Variants in DPP10 observed in about 807,000 individuals in gnomAD.
DPP10 encodes the protein dipeptidyl peptidase like 10.
A neutral mutation model predicts 120.9 loss-of-function variants in DPP10; 33 were observed. That is an observed-to-expected ratio of 0.27 (90% CI 0.21 to 0.37). The LOEUF is 0.37. Among genes scored for constraint, DPP10 ranks in the 10% least tolerant of loss-of-function variants. The probability of loss-of-function intolerance (pLI) is 1.00; values close to 1 mark genes in which losing one functional copy is unlikely to be tolerated. For synonymous variants in DPP10, 337 were observed against 326.1 expected, an observed-to-expected ratio of 1.03 and a Z score of -0.36; for missense variants, 816 against 942.8, an observed-to-expected ratio of 0.87 and a Z score of 1.76.
At chr2:114,506,715 G>A (rs1331967361) in intron 1 of DPP10, among the ~76,000 whole-genome samples, 4 of 152,124 alleles carry the variant, frequency 2.6e-5, no homozygotes, top group African/African-American at 9.7e-5. Context: ...CACAAAAGGT[G>A]GAACACAACT....
At chr2:115,565,131 G>T (rs559993021) in intron 5 of DPP10, among the ~76,000 whole-genome samples, 3 of 152,224 alleles carry the variant, frequency 2.0e-5, no homozygotes, top group East Asian at 3.9e-4. Context: ...ACTGAGCTTT[G>T]TGCGTAAGTA....
intron 3 of DPP10, among the ~76,000 whole-genome samples, chr2:115,394,807 T>A (rs182279849): frequency 1.3e-5 from 2 of 152,310 alleles, no homozygotes; most frequent in Admixed American, 6.5e-5. Flanking sequence ...GGGTTTTTTT[T>A]AATAGTACAT....
At chr2:114,693,929 T>A (rs1204782886) in intron 1 of DPP10, among the ~76,000 whole-genome samples, 1 of 152,000 alleles carries the variant, frequency 6.6e-6, no homozygotes, top group Non-Finnish European at 1.5e-5. Context: ...TTACAATTAC[T>A]GTGTATATTT....
At chr2:115,361,266 G>A (rs769859723) in intron 3 of DPP10, among the ~76,000 whole-genome samples, 4 of 152,096 alleles carry the variant, frequency 2.6e-5, no homozygotes, top group South Asian at 4.2e-4. Context: ...CCCCTGAGCC[G>A]TGTGTTCAAA....
chr2:115,264,552 G>T (rs2059382842), intron 1 of DPP10, among the ~76,000 whole-genome samples: 1 of 152,162 alleles, frequency 6.6e-6, no homozygotes, highest in Non-Finnish European at 1.5e-5. Flanking sequence ...GAGCATTATA[G>T]AGGCATTGTG....
intron 1 of DPP10, among the ~76,000 whole-genome samples, chr2:114,669,638 C>G (rs1037418361): frequency 3.9e-5 from 6 of 152,040 alleles, no homozygotes; most frequent in Admixed American, 3.9e-4. Context: ...CACAAGAGAA[C>G]AAATCAGTTC....
chr2:115,561,358 CAAAA>C (rs11421762), intron 5 of DPP10, among the ~76,000 whole-genome samples: 6 of 59,804 alleles, frequency 1.0e-4, no homozygotes, highest in East Asian at 1.6e-3. Flanking sequence ...GACTCCATCA[CAAAA>C]AAAAAAAAAA....
chr2:115,315,186 C>A (rs1420990599), intron 2 of DPP10, among the ~76,000 whole-genome samples: 1 of 104,484 alleles, frequency 9.6e-6, no homozygotes, highest in Non-Finnish European at 2.3e-5. Context: ...ATTGTTAAGA[C>A]AACAGATTAA....
Position 115,396,407 on chromosome 2 carries a change from A to G in DPP10, c.271+52495A>G, listed in dbSNP as rs1295169437. ...ACAAATTATCAATGTTTGTTTACAG[A>G]ACATTTGTGAAAAATAATGTTTGGA... is the stretch of plus-strand genomic sequence containing the variant. On this transcript the variant is annotated intron_variant, in intron 3 of 25. Transcript: ENST00000410059. 4.8e-4 allele frequency among the ~76,000 whole-genome samples: 73 copies of G among 152,358 alleles called. 1 individual carries two copies. The highest frequency in any genetic ancestry group is 1.5e-5 in the Non-Finnish European group (1 of 68,032).
At chr2:115,703,958 T>C (rs2091994163) in intron 7 of DPP10, among the ~76,000 whole-genome samples, 1 of 151,994 alleles carries the variant, frequency 6.6e-6, no homozygotes, top group African/African-American at 2.4e-5. Context: ...TAAAATTTGT[T>C]CTCACATCTC....
chr2:115,056,957 G>A (rs1705969280), intron 1 of DPP10, among the ~76,000 whole-genome samples: 1 of 152,176 alleles, frequency 6.6e-6, no homozygotes, highest in Non-Finnish European at 1.5e-5. Flanking sequence ...CACAAATGAA[G>A]GCAGATTGGG....
chr2:115,060,273 C>T (rs909125957), intron 1 of DPP10, among the ~76,000 whole-genome samples: 3 of 150,364 alleles, frequency 2.0e-5, no homozygotes, highest in Non-Finnish European at 3.0e-5. Context: ...TGTGATAGAA[C>T]GAAAGAAAGG....
chr2:115,513,703 A>G (rs917350880), intron 4 of DPP10, among the ~76,000 whole-genome samples: 1 of 151,996 alleles, frequency 6.6e-6, no homozygotes, highest in African/African-American at 2.4e-5. Flanking sequence ...CATACAAGTT[A>G]TATCTTTATA....
chr2:115,005,814 T>C (rs1238383602), intron 1 of DPP10, among the ~76,000 whole-genome samples: 3 of 151,714 alleles, frequency 2.0e-5, no homozygotes, highest in Admixed American at 6.6e-5. Flanking sequence ...TCCAGGAGAA[T>C]TTCCCCAATC....
At chr2:114,795,357 G>T (rs1253506964) in intron 1 of DPP10, among the ~76,000 whole-genome samples, 1 of 152,090 alleles carries the variant, frequency 6.6e-6, no homozygotes, top group African/African-American at 2.4e-5. Context: ...CTGGCATGGT[G>T]GCAGGCATCT....
chr2:115,009,338 C>A (rs948780779), intron 1 of DPP10, among the ~76,000 whole-genome samples: 7 of 150,754 alleles, frequency 4.6e-5, no homozygotes, highest in Non-Finnish European at 1.0e-4. Flanking sequence ...AACAAAAAAC[C>A]AAACACCACA....
At chr2:114,957,254 A>G (rs112477380) in intron 1 of DPP10, among the ~76,000 whole-genome samples, 2 of 152,076 alleles carry the variant, frequency 1.3e-5, no homozygotes, top group Non-Finnish European at 2.9e-5. Context: ...AACCCATTGA[A>G]AAATGGGCAA....
At chr2:115,075,449 G>T (rs1252263802) in intron 1 of DPP10, among the ~76,000 whole-genome samples, 1 of 152,116 alleles carries the variant, frequency 6.6e-6, no homozygotes, top group Non-Finnish European at 1.5e-5. Context: ...GTTGAAGGTT[G>T]TCTGGCCATG....
chr2:115,342,674 C>T (rs1048594717), intron 2 of DPP10, among the ~76,000 whole-genome samples: 1 of 152,124 alleles, frequency 6.6e-6, no homozygotes, highest in African/African-American at 2.4e-5. Flanking sequence ...GTCAGACTGC[C>T]AGGCAAATGA....
Sources: gnomAD v4.1 joint callset for allele counts (sites outside exome capture counted in the v4.1 genomes callset) on GRCh38, gnomAD v4.1.1 for gene constraint, MANE v1.5 for transcripts, NCBI Gene and HGNC (gene_info 2026-07-23, HGNC 2026-07-21) for gene names.